SNX5: variants seen among roughly 807,000 people sequenced by gnomAD.
SNX5 encodes the protein sorting nexin 5, also known as sorting nexin-5.
SNX5 carries 31 observed loss-of-function variants against 53.9 expected under a neutral mutation model. The ratio of observed to expected loss-of-function variants is 0.58; its 90% CI spans 0.43 to 0.78. The LOEUF (loss-of-function observed/expected upper bound fraction) is 0.78, where lower values mean the gene tolerates loss of function less well. Among genes scored for constraint, SNX5 ranks in the 30% least tolerant of loss-of-function variants. SNX5 has a pLI of 0.00. For missense variants in SNX5, 471 were observed against 478.8 expected (o/e 0.98, Z 0.15); for synonymous variants, 168 against 171.1 (o/e 0.98, Z 0.14).
At chr20:17,944,449 A>G (rs1008162942) in intron 11 of SNX5, 1 of 152,216 alleles carries the variant, frequency 6.6e-6, no homozygotes, top group Non-Finnish European at 1.5e-5. Flanking sequence ...ATAAAACTTA[A>G]AACATTTTTA....
intron 8 of SNX5, among the ~76,000 whole-genome samples, chr20:17,949,541 C>T (rs1028129988): frequency 1.3e-5 from 2 of 152,094 alleles, no homozygotes; most frequent in African/African-American, 4.8e-5. Flanking sequence ...TTGTCTTACA[C>T]CAGAAATGCC....
At chr20:17,947,743 A>G (rs1237481022) in intron 10 of SNX5, 98 bp from the exon 11 acceptor site, 1 of 991,638 alleles carries the variant, frequency 1.0e-6, no homozygotes, top group African/African-American at 1.6e-5. Context: ...AGTGGCAATA[A>G]TCTACCTCTA....
intron 11 of SNX5, chr20:17,945,487 A>G (rs1327592595): frequency 2.6e-5 from 4 of 152,188 alleles, no homozygotes; most frequent in Non-Finnish European, 5.9e-5. Context: ...GTAGACCTGA[A>G]TTGGCATCAT....
At chr20:17,967,940 C>T (rs565187607) in intron 1 of SNX5, 4 of 394,422 alleles carry the variant, frequency 1.0e-5, no homozygotes, top group African/African-American at 8.4e-5. Context: ...GCCCCCCCCC[C>T]AAAAAAGTCT....
rs760468577 is a variant in SNX5, at chr20:17,942,415, G to GA, written c.1165-9dup. On this transcript the variant is annotated splice_polypyrimidine_tract_variant and intron_variant, in intron 12 of 12. Coordinates refer to ENST00000377759, the MANE Select transcript of SNX5 (RefSeq NM_014426.4). ...CAAAAGGGAGACATTGTTCTGTGGG[G>GA]AAAAAAGGCAAGGCAGACCAGTGAA... 6.2e-6 allele frequency: 10 copies of GA among 1,608,554 alleles called. No individual in the cohort carries two copies. The highest frequency in any genetic ancestry group is 2.2e-5 in the East Asian group (1 of 44,840).
chr20:17,959,437 G>A (rs1188059757), intron 1 of SNX5, among the ~76,000 whole-genome samples: 1 of 151,596 alleles, frequency 6.6e-6, no homozygotes, highest in Non-Finnish European at 1.5e-5. Context: ...ATGAGTGACT[G>A]CAACCACAGC....
chr20:17,968,725 G>A lies in SNX5; in HGVS notation c.-300C>T. 1.6e-5 allele frequency: 7 copies of A among 428,304 alleles called. No individual in the cohort carries two copies. Among genetic ancestry groups the A allele is most frequent in the South Asian group, 8.2e-5 (3 of 36,572 alleles). 26.5% of individuals were successfully genotyped at this position (428,304 alleles called of 1,614,324 possible). On this transcript the variant is annotated 5_prime_UTR_variant, in exon 1 of 13. Coordinates refer to ENST00000377759, the MANE Select transcript of SNX5 (RefSeq NM_014426.4). ...CCTTGCTCCGCTCCACGAGGAGGCC[G>A]CCAACCGCAGGGCCGCGACACGGAC...
intron 6 of SNX5, 131 bp from the exon 7 acceptor site, chr20:17,950,527 G>C (rs945990829): frequency 3.9e-5 from 23 of 596,586 alleles, no homozygotes; most frequent in Middle Eastern, 3.3e-4. Context: ...AACCTCTACA[G>C]ATCAGGGAAT....
chr20:17,947,139 G>A (rs1424012306), intron 11 of SNX5: 1 of 205,248 alleles, frequency 4.9e-6, no homozygotes, highest in Non-Finnish European at 9.8e-6. Context: ...AAAATACAGA[G>A]AGCAGATTGT....
Position 17,950,119 on chromosome 20 carries a change from CAAAAAAA to C in SNX5, c.791+6_791+12del. On this transcript the variant is annotated splice_donor_region_variant and intron_variant, in intron 8 of 12. Coordinates refer to ENST00000377759, the MANE Select transcript of SNX5 (RefSeq NM_014426.4). ...AATTGGGTTAGGGGAAATGCTTTTC[CAAAAAAA>C]CTTACTTTTTGATGACTGTGGGCTC... The C allele has an allele frequency of 6.2e-7, 1 of 1,613,344 alleles. No homozygotes were observed. The highest frequency in any genetic ancestry group is 1.1e-5 in the South Asian group (1 of 91,040).
Position 17,968,605 on chromosome 20 carries a change from A to G in SNX5, c.-180T>C, listed in dbSNP as rs1268544345. On this transcript the variant is annotated 5_prime_UTR_variant, in exon 1 of 13. Coordinates refer to ENST00000377759, the MANE Select transcript of SNX5 (RefSeq NM_014426.4). ...CCACCATCCCAGCTGCCCCGGGAGC[A>G]GGCGAGCAGGGCGCCACGTGCTCCC... The G allele has an allele frequency of 1.6e-6, 1 of 634,510 alleles. No individual in the cohort carries two copies. The highest frequency in any genetic ancestry group is 2.5e-5 in the Admixed American group (1 of 40,404). 39.3% of individuals were successfully genotyped at this position (634,510 alleles called of 1,614,324 possible). A position where few individuals can be genotyped will look rare whatever the true frequency, so the allele number is the denominator to read the frequency against.
rs530636782 is a variant in SNX5 at position 17,961,670 on chromosome 20, A to G, written c.52-4633T>C. The G allele has an allele frequency of 1.7e-4, 164 of 984,796 alleles. No individual in the cohort carries two copies. In the African/African-American group the frequency reaches 2.7e-3, roughly 16 times the overall value. 61.0% of individuals were successfully genotyped at this position (984,796 alleles called of 1,614,324 possible). ...TCCTAGTTTCCATTCCAAAAGCAGA[A>G]GATATGTACTTAAGCAGCACATGCT... On this transcript the variant is annotated intron_variant, in intron 1 of 12. Coordinates refer to ENST00000377759, the MANE Select transcript of SNX5 (RefSeq NM_014426.4).
At chr20:17,955,784 T>G (rs1189548737) in intron 2 of SNX5, among the ~76,000 whole-genome samples, 1 of 149,520 alleles carries the variant, frequency 6.7e-6, no homozygotes, top group Admixed American at 6.8e-5. Flanking sequence ...CTGTGTACTT[T>G]TTTTTGTTTA....
chr20:17,952,768 C>A, intron 4 of SNX5, 58 bp from the exon 5 acceptor site: 1 of 1,590,116 alleles, frequency 6.3e-7, no homozygotes. Flanking sequence ...CTGACCAATA[C>A]CACTCCTGAT....
intron 1 of SNX5, among the ~76,000 whole-genome samples, chr20:17,960,542 C>A (rs145148944): frequency 1.3e-5 from 2 of 151,936 alleles, no homozygotes; most frequent in Non-Finnish European, 2.9e-5. Flanking sequence ...TGCAGTGAGC[C>A]GACATCACGC....
In SNX5 at chr20:17,968,416, C is replaced by T. The variant is rs2035606417; in HGVS notation, c.10G>A (p.Val4Ile). The T allele has an allele frequency of 7.8e-7, 1 of 1,290,084 alleles. No homozygotes were observed. Among genetic ancestry groups the T allele is most frequent in the Non-Finnish European group, 9.8e-7 (1 of 1,015,762 alleles). The allele number at this position is 1,290,084 out of a possible 1,614,324, so 79.9% of individuals were successfully genotyped here. A position where few individuals can be genotyped will look rare whatever the true frequency, so the allele number is the denominator to read the frequency against. Residue 4 changes from valine (V) to isoleucine (I), a missense_variant, in exon 1 of 13, where the codon GTT becomes ATT. Physicochemically the swap from Val to Ile is conservative, Grantham distance 29. Coordinates refer to ENST00000377759, the MANE Select transcript of SNX5 (RefSeq NM_014426.4). The part of the protein sequence containing the change: MAA[V>I]PELLQQQEED... ...TCCTGCTGCTGCAGCAACTCGGGAA[C>T]CGCGGCCATGGCGACGCGGGACTCG... is the stretch of plus-strand genomic sequence containing the variant.
At chr20:17,955,344 T>A in intron 3 of SNX5, 21 bp downstream of exon 3, 1 of 1,559,272 alleles carries the variant, frequency 6.4e-7, no homozygotes, top group Non-Finnish European at 8.8e-7. Flanking sequence ...ACTAGCTTAT[T>A]TGATTTTCTA....
intron 10 of SNX5, 58 bp from the exon 11 acceptor site, chr20:17,947,703 CCCAAGTGCCAATGTA>C: frequency 6.9e-7 from 1 of 1,458,290 alleles, no homozygotes; most frequent in Non-Finnish European, 9.3e-7. Context: ...TAAAAAATAG[CCCAAGTGCCAATGTA>C]CCACCTGAGA....
intron 11 of SNX5, chr20:17,945,254 A>T (rs1600331411): frequency 1.3e-5 from 2 of 152,192 alleles, no homozygotes; most frequent in East Asian, 3.9e-4. Flanking sequence ...AGGGCTCCAT[A>T]CACTTAACTA....
Sources: allele counts gnomAD v4.1 joint callset (sites outside exome capture counted in the v4.1 genomes callset), GRCh38; gene constraint gnomAD v4.1.1; transcripts MANE v1.5; gene names NCBI Gene and HGNC (gene_info 2026-07-23, HGNC 2026-07-21).